Variants in KCNMA1 observed in about 807,000 individuals in gnomAD.
KCNMA1 encodes Calcium-activated potassium channel subunit alpha-1.
A neutral mutation model predicts 140.0 loss-of-function variants in KCNMA1; 29 were observed. The ratio of observed to expected loss-of-function variants is 0.21; its 90% CI spans 0.15 to 0.28. The LOEUF is 0.28. Among genes scored for constraint, KCNMA1 ranks in the 10% least tolerant of loss-of-function variants. The pLI is 1.00. For missense variants in KCNMA1, 880 were observed against 1,602.2 expected (o/e 0.55, Z 7.70); for synonymous variants, 612 against 611.9 (o/e 1.00, Z 0.00).
intron 3 of KCNMA1, among the ~76,000 whole-genome samples, chr10:77,206,973 G>T (rs2044348672): frequency 6.6e-6 from 1 of 152,024 alleles, no homozygotes; most frequent in Non-Finnish European, 1.5e-5. Flanking sequence ...TCACAAAAAG[G>T]ATTTTCCTCT....
At chr10:77,053,375 A>G (rs1364195448) in intron 14 of KCNMA1, among the ~76,000 whole-genome samples, 1 of 152,226 alleles carries the variant, frequency 6.6e-6, no homozygotes. Context: ...AGGACTGGGA[A>G]AAACCAGACA....
At chr10:76,942,156 T>C (rs2062655883) in intron 23 of KCNMA1, among the ~76,000 whole-genome samples, 1 of 151,990 alleles carries the variant, frequency 6.6e-6, no homozygotes, top group African/African-American at 2.4e-5. Context: ...GTATTTTTAG[T>C]AGAGATTGGG....
At chr10:77,129,668 T>A (rs777640339) in intron 5 of KCNMA1, among the ~76,000 whole-genome samples, 30 of 152,092 alleles carry the variant, frequency 2.0e-4, no homozygotes, top group Non-Finnish European at 3.8e-4. Flanking sequence ...TCAGTGTTTA[T>A]GACTAAATAA....
chr10:76,908,411 G>A (rs1360553737), intron 25 of KCNMA1, among the ~76,000 whole-genome samples: 2 of 152,218 alleles, frequency 1.3e-5, no homozygotes, highest in Non-Finnish European at 2.9e-5. Flanking sequence ...ATGAAGCCCA[G>A]TTAACCTTAA....
chr10:77,032,704 G>A (rs1373395762), intron 15 of KCNMA1, among the ~76,000 whole-genome samples: 1 of 150,278 alleles, frequency 6.7e-6, no homozygotes, highest in African/African-American at 2.4e-5. Context: ...TACCAAATTT[G>A]ACAACGACAT....
At chr10:77,619,268 C>A (rs2090587463) in intron 1 of KCNMA1, among the ~76,000 whole-genome samples, 1 of 151,974 alleles carries the variant, frequency 6.6e-6, no homozygotes, top group Admixed American at 6.6e-5. Flanking sequence ...ATGATGGCAT[C>A]TTCACACATA....
chr10:77,082,516 T>C (rs2096603886), intron 12 of KCNMA1, among the ~76,000 whole-genome samples: 1 of 152,226 alleles, frequency 6.6e-6, no homozygotes, highest in Admixed American at 6.5e-5. Context: ...CATCTTCTTT[T>C]GGTTTTCCAT....
At chr10:76,977,845 T>C in intron 19 of KCNMA1, 4 of 563,944 alleles carry the variant, frequency 7.1e-6, no homozygotes, top group South Asian at 4.5e-5. Flanking sequence ...GTTAGATTCA[T>C]CCACCCAGTA....
At chr10:77,555,675 T>C (rs571715187) in intron 1 of KCNMA1, among the ~76,000 whole-genome samples, 4 of 152,294 alleles carry the variant, frequency 2.6e-5, no homozygotes, top group South Asian at 2.1e-4. Flanking sequence ...TGACAGATGA[T>C]GCAATGTAAA....
At chr10:77,385,884 C>T (rs991854104) in intron 2 of KCNMA1, among the ~76,000 whole-genome samples, 25 of 152,008 alleles carry the variant, frequency 1.6e-4, no homozygotes, top group Non-Finnish European at 4.4e-5. Flanking sequence ...TGGACTGAAG[C>T]GGGGAGATGG....
At chr10:77,333,885 G>T (rs2087705262) in intron 2 of KCNMA1, among the ~76,000 whole-genome samples, 1 of 152,190 alleles carries the variant, frequency 6.6e-6, no homozygotes, top group East Asian at 1.9e-4. Flanking sequence ...TCCTTGGGAG[G>T]TGAAACCCAC....
At chr10:77,101,746 T>C (rs1340555181) in intron 9 of KCNMA1, among the ~76,000 whole-genome samples, 3 of 152,136 alleles carry the variant, frequency 2.0e-5, no homozygotes, top group Non-Finnish European at 2.9e-5. Context: ...TGACATTTTA[T>C]AGGAAACACC....
intron 5 of KCNMA1, among the ~76,000 whole-genome samples, chr10:77,123,072 C>T (rs186980097): frequency 0.021 from 3,055 of 148,678 alleles, 47 homozygotes; most frequent in Non-Finnish European, 0.028. Context: ...CCCAGCTACG[C>T]GGGAGGCTGA....
At chr10:77,088,756 G>A (rs1053966343) in intron 10 of KCNMA1, among the ~76,000 whole-genome samples, 2 of 152,168 alleles carry the variant, frequency 1.3e-5, no homozygotes, top group African/African-American at 4.8e-5. Context: ...TAAAGCAGTG[G>A]ATGAGAGAAA....
chr10:76,973,711 A>G (rs1198717780), intron 19 of KCNMA1, among the ~76,000 whole-genome samples: 1 of 152,192 alleles, frequency 6.6e-6, no homozygotes, highest in Admixed American at 6.5e-5. Flanking sequence ...TTCCAGAAAC[A>G]CTGGCCAGAA....
intron 6 of KCNMA1, among the ~76,000 whole-genome samples, chr10:77,113,225 G>A (rs1331449854): frequency 6.6e-6 from 1 of 152,144 alleles, no homozygotes; most frequent in Non-Finnish European, 1.5e-5. Flanking sequence ...CTGTCACTGT[G>A]GCTTCAGAGC....
intron 2 of KCNMA1, among the ~76,000 whole-genome samples, chr10:77,330,137 A>C (rs1311363624): frequency 6.6e-6 from 1 of 152,200 alleles, no homozygotes; most frequent in Non-Finnish European, 1.5e-5. Flanking sequence ...ATCACGTAAG[A>C]TCTGAAGAAA....
chr10:77,482,224 C>A (rs1190421687), intron 1 of KCNMA1, among the ~76,000 whole-genome samples: 1 of 152,218 alleles, frequency 6.6e-6, no homozygotes, highest in Non-Finnish European at 1.5e-5. Context: ...CAGCAGCTGG[C>A]CAAGGAGGCC....
intron 2 of KCNMA1, among the ~76,000 whole-genome samples, chr10:77,273,429 T>C (rs2065744223): frequency 6.6e-6 from 1 of 152,196 alleles, no homozygotes; most frequent in Non-Finnish European, 1.5e-5. Context: ...CTTATTATGA[T>C]AAGCTATTAT....
Sources: allele counts gnomAD v4.1 joint callset (sites outside exome capture counted in the v4.1 genomes callset), GRCh38; gene constraint gnomAD v4.1.1; transcripts MANE v1.5; gene names NCBI Gene and HGNC (gene_info 2026-07-23, HGNC 2026-07-21).